Variants in SPECC1 observed in about 807,000 individuals in gnomAD.
SPECC1 encodes the protein cytospin-B.
In SPECC1, 62 loss-of-function variants were observed where a neutral mutation model predicts 104.1. The observed-to-expected ratio is 0.60, with a 90% CI of 0.49 to 0.74. The LOEUF (loss-of-function observed/expected upper bound fraction) is 0.74, where lower values mean the gene tolerates loss of function less well. Ranked by LOEUF, SPECC1 falls within the 30% of genes least tolerant of loss-of-function variation. The probability of loss-of-function intolerance (pLI) is 0.00; values close to 1 mark genes in which losing one functional copy is unlikely to be tolerated. For synonymous variants in SPECC1, 513 were observed against 501.6 expected, an observed-to-expected ratio of 1.02 and a Z score of -0.30; for missense variants, 1,306 against 1,310.5, an observed-to-expected ratio of 1.00 and a Z score of 0.05.
At chr17:20,163,695 C>T (rs539262809) in intron 3 of SPECC1, among the ~76,000 whole-genome samples, 28 of 151,758 alleles carry the variant, frequency 1.8e-4, no homozygotes, top group African/African-American at 5.1e-4. Context: ...CGAGTAGCTA[C>T]GACTACAGGA....
intron 1 of SPECC1, among the ~76,000 whole-genome samples, chr17:20,072,464 C>A (rs2046592076): frequency 6.6e-6 from 1 of 152,226 alleles, no homozygotes; most frequent in African/African-American, 2.4e-5. Flanking sequence ...CCTTGCCCCC[C>A]AGGAGAGTGG....
chr17:20,201,931 T>C (rs918840981), intron 3 of SPECC1, among the ~76,000 whole-genome samples: 4 of 152,196 alleles, frequency 2.6e-5, no homozygotes, highest in Non-Finnish European at 5.9e-5. Context: ...CTGGGTAGTC[T>C]AGAAATATGA....
chr17:20,058,835 CTTTTTTTTT>C (rs58811372), intron 1 of SPECC1, among the ~76,000 whole-genome samples: 2 of 103,574 alleles, frequency 1.9e-5, no homozygotes, highest in Non-Finnish European at 3.9e-5. Context: ...CACTTTATTT[CTTTTTTTTT>C]TTTTTTTTTT....
At chr17:20,251,119 T>G (rs2039610797) in intron 9 of SPECC1, among the ~76,000 whole-genome samples, 1 of 150,482 alleles carries the variant, frequency 6.6e-6, no homozygotes, top group East Asian at 2.0e-4. Flanking sequence ...CCCCAGCTAC[T>G]TGGGAGGCTG....
chr17:20,285,386 A>T (rs1185194592), intron 12 of SPECC1, among the ~76,000 whole-genome samples: 1 of 151,756 alleles, frequency 6.6e-6, no homozygotes, highest in East Asian at 1.9e-4. Flanking sequence ...CTTTTGCTTC[A>T]TTGAGGTGGA....
At chr17:20,077,368 A>G (rs2152487153) in intron 1 of SPECC1, among the ~76,000 whole-genome samples, 1 of 152,098 alleles carries the variant, frequency 6.6e-6, no homozygotes, top group East Asian at 1.9e-4. Flanking sequence ...CTTTTCTATT[A>G]TATGATTTTT....
intron 3 of SPECC1, among the ~76,000 whole-genome samples, chr17:20,192,741 C>G (rs1308997269): frequency 6.6e-6 from 1 of 152,090 alleles, no homozygotes; most frequent in Non-Finnish European, 1.5e-5. Context: ...CTTGCATGTT[C>G]TGTGTGTAGT....
In SPECC1 at chr17:20,110,569, G is replaced by A. The variant is rs372374636; in HGVS notation, c.283+7G>A. 1,240 of 1,610,454 alleles carry A rather than the reference G, an allele frequency of 7.7e-4. No homozygotes were observed. The highest frequency in any genetic ancestry group is 9.3e-4 in the Non-Finnish European group (1,097 of 1,178,576). On this transcript the variant is annotated splice_region_variant and intron_variant, in intron 3 of 14. Transcript: ENST00000395527. ...CGCCTGAGGAGCGGCACAGGTAGGAGGGACCGGGCAGGTGGGCTCGGCAGG... is the reference window on the plus strand; with the variant it reads ...CGCCTGAGGAGCGGCACAGGTAGGAAGGACCGGGCAGGTGGGCTCGGCAGG...
intron 12 of SPECC1, among the ~76,000 whole-genome samples, chr17:20,285,990 T>G (rs2040931547): frequency 2.6e-5 from 4 of 152,156 alleles, no homozygotes; most frequent in Admixed American, 2.6e-4. Flanking sequence ...ATTTTTACAT[T>G]TTTTGTAGAG....
chr17:20,247,651 T>G (rs2039474784), intron 9 of SPECC1, among the ~76,000 whole-genome samples: 1 of 152,250 alleles, frequency 6.6e-6, no homozygotes, highest in South Asian at 2.1e-4. Flanking sequence ...GCAGAAACGA[T>G]TCTTTTTATA....
intron 7 of SPECC1, chr17:20,237,733 C>A: frequency 5.1e-6 from 1 of 194,192 alleles, no homozygotes; most frequent in Non-Finnish European, 1.1e-5. Context: ...CGTGATGTCA[C>A]ATTCCGAAGA....
At chr17:20,264,254 T>G (rs1301873458) in intron 12 of SPECC1, among the ~76,000 whole-genome samples, 3 of 152,066 alleles carry the variant, frequency 2.0e-5, no homozygotes, top group Non-Finnish European at 4.4e-5. Context: ...CAGCTTTAGT[T>G]ATAGATTCAG....
intron 3 of SPECC1, among the ~76,000 whole-genome samples, chr17:20,147,073 GGATCGT>G (rs2031537759): frequency 6.6e-6 from 1 of 150,886 alleles, no homozygotes; most frequent in South Asian, 2.1e-4. Flanking sequence ...ATAACAGTAT[GGATCGT>G]GATTTTTTTT....
At chr17:20,122,508 C>G (rs2049085633) in intron 3 of SPECC1, among the ~76,000 whole-genome samples, 1 of 152,216 alleles carries the variant, frequency 6.6e-6, no homozygotes, top group Non-Finnish European at 1.5e-5. Flanking sequence ...TACACATAAT[C>G]ATTTTTAAGT....
At chr17:20,065,607 A>G (rs1355446085) in intron 1 of SPECC1, among the ~76,000 whole-genome samples, 1 of 152,200 alleles carries the variant, frequency 6.6e-6, no homozygotes, top group Non-Finnish European at 1.5e-5. Flanking sequence ...CGCTCTCTGA[A>G]CTGTGACCTT....
chr17:20,012,080 AT>A (rs1387935024), intron 1 of SPECC1, among the ~76,000 whole-genome samples: 2 of 152,024 alleles, frequency 1.3e-5, no homozygotes, highest in African/African-American at 2.4e-5. Context: ...TTTCAGAGTT[AT>A]TTTTGTATTT....
chr17:20,217,422 T>A (rs776881328), intron 4 of SPECC1, among the ~76,000 whole-genome samples: 11 of 152,138 alleles, frequency 7.2e-5, no homozygotes, highest in Non-Finnish European at 4.4e-5. Context: ...CCGAGTTACC[T>A]AGCTTGTAAC....
At chr17:20,275,775 G>A (rs1296045772) in intron 12 of SPECC1, among the ~76,000 whole-genome samples, 3 of 152,164 alleles carry the variant, frequency 2.0e-5, no homozygotes, top group Admixed American at 6.5e-5. Flanking sequence ...CCCATCAGTG[G>A]TCCCAGTTAC....
chr17:20,034,075 T>C (rs973734683), intron 1 of SPECC1, among the ~76,000 whole-genome samples: 3 of 151,622 alleles, frequency 2.0e-5, no homozygotes, highest in African/African-American at 7.3e-5. Context: ...AAATAGTTTC[T>C]AAAGTAAGCG....
Sources: gnomAD v4.1 joint callset for allele counts (sites outside exome capture counted in the v4.1 genomes callset) on GRCh38, gnomAD v4.1.1 for gene constraint, MANE v1.5 for transcripts, NCBI Gene and HGNC (gene_info 2026-07-23, HGNC 2026-07-21) for gene names.